Variants in PRKCZ observed in about 807,000 individuals in gnomAD.
PRKCZ encodes protein kinase C zeta type.
In PRKCZ, 33 loss-of-function variants were observed where a neutral mutation model predicts 79.5. The ratio of observed to expected loss-of-function variants is 0.41; its 90% confidence interval spans 0.31 to 0.55. PRKCZ has a LOEUF of 0.55. PRKCZ is among the 20% of genes least tolerant of loss of function. PRKCZ has a pLI of 0.19. For synonymous variants in PRKCZ, 342 were observed against 320.9 expected, an observed-to-expected ratio of 1.07 and a Z score of -0.70; for missense variants, 578 against 813.5, an observed-to-expected ratio of 0.71 and a Z score of 3.52.
At chr1:2,101,411 T>C (rs1269171969) in intron 4 of PRKCZ, among the ~76,000 whole-genome samples, 1 of 152,234 alleles carries the variant, frequency 6.6e-6, no homozygotes, top group African/African-American at 2.4e-5. Context: ...CCTTCCTTTC[T>C]TTCCCTTGAC....
At chr1:2,066,561 C>T (rs988406731) in intron 4 of PRKCZ, among the ~76,000 whole-genome samples, 3 of 152,186 alleles carry the variant, frequency 2.0e-5, no homozygotes, top group Non-Finnish European at 4.4e-5. Flanking sequence ...AGGCTGGTCC[C>T]GAACTCCTGA....
At chr1:2,141,831 G>T in intron 5 of PRKCZ, 2 of 225,448 alleles carry the variant, frequency 8.9e-6, no homozygotes, top group South Asian at 4.5e-5. Flanking sequence ...CTTCTGCGCT[G>T]TGGACGCGGA....
At chr1:2,070,019 G>A (rs1331804622) in intron 4 of PRKCZ, among the ~76,000 whole-genome samples, 3 of 152,180 alleles carry the variant, frequency 2.0e-5, no homozygotes, top group African/African-American at 2.4e-5. Context: ...TGAGGGCAGC[G>A]CTGGATGGTC....
chr1:2,110,326 G>A (rs974760410), intron 4 of PRKCZ, among the ~76,000 whole-genome samples: 5 of 152,248 alleles, frequency 3.3e-5, no homozygotes, highest in African/African-American at 7.2e-5. Flanking sequence ...CGGGGGCCCC[G>A]GGCGTGATCA....
chr1:2,097,899 C>A (rs1400523193), intron 4 of PRKCZ, among the ~76,000 whole-genome samples: 1 of 152,256 alleles, frequency 6.6e-6, no homozygotes, highest in Non-Finnish European at 1.5e-5. Context: ...AGGTCTCATC[C>A]TAACGCAGCC....
intron 9 of PRKCZ, among the ~76,000 whole-genome samples, chr1:2,154,507 T>C (rs1372309247): frequency 6.6e-6 from 1 of 151,662 alleles, no homozygotes; most frequent in Non-Finnish European, 1.5e-5. Context: ...CTTCCGGGAG[T>C]GGGGGCAGGC....
At chr1:2,163,329 G>A (rs1682682780) in intron 10 of PRKCZ, among the ~76,000 whole-genome samples, 1 of 152,232 alleles carries the variant, frequency 6.6e-6, no homozygotes, top group African/African-American at 2.4e-5. Context: ...GGGTTCTGGA[G>A]CCCACAGAGG....
rs953683907 is a variant in PRKCZ at position 2,075,832 on chromosome 1, T to C, written c.334+16241T>C. Among the ~76,000 whole-genome samples the C allele has an allele frequency of 2.6e-5, 4 of 152,220 alleles. No individual in the cohort carries two copies. The highest frequency in any genetic ancestry group is 7.2e-5 in the African/African-American group (3 of 41,458). On this transcript the variant is annotated intron_variant, in intron 4 of 17. Coordinates refer to ENST00000378567, the MANE Select transcript of PRKCZ (RefSeq NM_002744.6). This position sits in a 1 kb window ranked among gnomAD's most constrained non-coding sequence, Gnocchi z 4.8. ...CAATGGCCCCAGTGGAGAGGCCCACTGAGCATCCTGAGAAGTTCCCGTGCT... is the reference window on the plus strand; with the variant it reads ...CAATGGCCCCAGTGGAGAGGCCCACCGAGCATCCTGAGAAGTTCCCGTGCT...
At chr1:2,126,873 C>T (rs1384489499) in intron 4 of PRKCZ, among the ~76,000 whole-genome samples, 1 of 152,240 alleles carries the variant, frequency 6.6e-6, no homozygotes, top group African/African-American at 2.4e-5. Context: ...ATCCACCTGC[C>T]TGTCCCTTCG....
intron 4 of PRKCZ, among the ~76,000 whole-genome samples, chr1:2,111,458 G>C (rs959800918): frequency 1.3e-5 from 2 of 151,880 alleles, no homozygotes; most frequent in African/African-American, 4.8e-5. Flanking sequence ...TGGTGGTCTG[G>C]GTGTCTCCAG....
chr1:2,089,114 A>G (rs751012375), intron 4 of PRKCZ, among the ~76,000 whole-genome samples: 1 of 152,172 alleles, frequency 6.6e-6, no homozygotes, highest in Non-Finnish European at 1.5e-5. Context: ...TTCTTTTTAA[A>G]ATGGTGGAGC....
At position 2,115,189 on chromosome 1, in the gene PRKCZ, T is replaced by G. The variant is rs971112374; in HGVS notation, c.335-20073T>G. On this transcript the variant is annotated intron_variant, in intron 4 of 17. Transcript: ENST00000378567. Reference sequence around the variant, plus strand: ...GCTCAGTCGGGCCCCTGTGTGGGGCTTTCCCGTGGTGTGGGGTGCGGTTCT... The same window carrying G: ...GCTCAGTCGGGCCCCTGTGTGGGGCGTTCCCGTGGTGTGGGGTGCGGTTCT... Among the ~76,000 whole-genome samples, 3 of 152,404 alleles carry G rather than the reference T, an allele frequency of 2.0e-5. No individual in the cohort carries two copies. The East Asian group carries it at 5.8e-4, about 29-fold the overall frequency.
At position 2,172,067 on chromosome 1, in the gene PRKCZ, C is replaced by T. The variant is rs2280272; in HGVS notation, c.1074C>T (p.Ala358=). Residue 358 remains alanine (A), a synonymous_variant, in exon 12 of 18, where the codon GCC becomes GCT. Coordinates refer to ENST00000378567, the MANE Select transcript of PRKCZ (RefSeq NM_002744.6). This position sits in a 1 kb window ranked among gnomAD's most constrained non-coding sequence, Gnocchi z 7.8. ...TCCCCACCCCCAGGTTCTACGCGGC[C>T]GAGATCTGCATCGCCCTCAACTTCC... ...LPEEHARFYA[A]EICIALNFLH... 26 of 1,608,924 alleles carry T rather than the reference C, an allele frequency of 1.6e-5. No individual in the cohort carries two copies. The highest frequency in any genetic ancestry group is 2.0e-5 in the Non-Finnish European group (23 of 1,177,556).
chr1:2,139,686 G>A (rs1676928038), intron 5 of PRKCZ, among the ~76,000 whole-genome samples: 1 of 152,214 alleles, frequency 6.6e-6, no homozygotes, highest in South Asian at 2.1e-4. Flanking sequence ...GGACAGGCAT[G>A]GACCCTACTC....
At chr1:2,153,203 G>C (rs1357818246) in intron 9 of PRKCZ, among the ~76,000 whole-genome samples, 1 of 152,248 alleles carries the variant, frequency 6.6e-6, no homozygotes, top group Non-Finnish European at 1.5e-5. Flanking sequence ...CCATGTCTCT[G>C]ATGACTGACA....
chr1:2,141,202 T>A (rs1677237017), intron 5 of PRKCZ: 1 of 152,090 alleles, frequency 6.6e-6, no homozygotes, highest in Admixed American at 6.5e-5. Context: ...ACACGTGAGG[T>A]CTCTGTGGTG....
rs775386012 is a variant in PRKCZ, at chr1:2,146,114, C to A, written c.634+6C>A. 1.2e-6 allele frequency: 2 copies of A among 1,612,324 alleles called. No individual in the cohort carries two copies. The highest frequency in any genetic ancestry group is 3.3e-5 in the Admixed American group (2 of 60,024). On this transcript the variant is annotated splice_donor_region_variant and intron_variant, in intron 7 of 17. Coordinates refer to ENST00000378567, the MANE Select transcript of PRKCZ (RefSeq NM_002744.6). ...TTCCGAGGAGACAGATGGAAGTAGG[C>A]GCTGCTTTCTTCCGGCCGGGTAGAG...
chr1:2,052,987 G>C (rs1434875418), intron 1 of PRKCZ, among the ~76,000 whole-genome samples: 2 of 152,188 alleles, frequency 1.3e-5, no homozygotes, highest in African/African-American at 2.4e-5. Context: ...GGGCCTGAGG[G>C]GTCCCCAGGC....
intron 4 of PRKCZ, 144 bp downstream of exon 4, chr1:2,059,735 G>C: frequency 1.9e-6 from 2 of 1,051,130 alleles, no homozygotes; most frequent in Non-Finnish European, 2.9e-6. Context: ...GGTGACCGCA[G>C]GTGGGGTTTT....
Sources: allele counts gnomAD v4.1 joint callset (sites outside exome capture counted in the v4.1 genomes callset), GRCh38; gene constraint gnomAD v4.1.1; non-coding constraint Gnocchi (gnomAD v3.1); transcripts MANE v1.5; gene names NCBI Gene and HGNC (gene_info 2026-07-23, HGNC 2026-07-21).